The following FBXL7 variants were observed in gnomAD, a reference collection of about 807,000 sequenced individuals.
FBXL7 encodes F-box/LRR-repeat protein 7.
FBXL7 carries 12 observed loss-of-function variants against 38.3 expected under a neutral mutation model. That is an observed-to-expected ratio of 0.31 (90% confidence interval 0.20 to 0.51). The LOEUF (loss-of-function observed/expected upper bound fraction) is 0.51, where lower values mean the gene tolerates loss of function less well. Ranked by LOEUF, FBXL7 falls within the 20% of genes least tolerant of loss-of-function variation. The probability of loss-of-function intolerance (pLI) is 0.98; values close to 1 mark genes in which losing one functional copy is unlikely to be tolerated. For missense variants in FBXL7, 567 were observed against 676.4 expected (o/e 0.84, Z 1.79); for synonymous variants, 297 against 300.9 (o/e 0.99, Z 0.13).
At chr5:15,890,660 T>C (rs1167640365) in intron 2 of FBXL7, among the ~76,000 whole-genome samples, 1 of 152,170 alleles carries the variant, frequency 6.6e-6, no homozygotes, top group Non-Finnish European at 1.5e-5. Flanking sequence ...AGTTTCATCC[T>C]GAAACCATCC....
intron 2 of FBXL7, among the ~76,000 whole-genome samples, chr5:15,833,051 A>G (rs1579503347): frequency 6.6e-6 from 1 of 151,972 alleles, no homozygotes; most frequent in Non-Finnish European, 1.5e-5. Flanking sequence ...CATGGCTTTC[A>G]CCTTCCACCA....
intron 2 of FBXL7, among the ~76,000 whole-genome samples, chr5:15,617,144 T>G (rs1401607478): frequency 1.3e-5 from 2 of 152,200 alleles, no homozygotes; most frequent in Non-Finnish European, 2.9e-5. Flanking sequence ...CTTTGATATG[T>G]TTTGTCTTAG....
intron 2 of FBXL7, among the ~76,000 whole-genome samples, chr5:15,912,960 G>C (rs1741478179): frequency 6.6e-6 from 1 of 152,192 alleles, no homozygotes. Context: ...GCGTGCTGCA[G>C]AGAGACCCTT....
intron 2 of FBXL7, among the ~76,000 whole-genome samples, chr5:15,678,104 T>A (rs1057274341): frequency 1.3e-5 from 2 of 152,082 alleles, no homozygotes; most frequent in Non-Finnish European, 2.9e-5. Flanking sequence ...CCCCTCTGAG[T>A]TGGCCAAGGG....
At chr5:15,681,435 A>G (rs1742842063) in intron 2 of FBXL7, among the ~76,000 whole-genome samples, 3 of 152,230 alleles carry the variant, frequency 2.0e-5, no homozygotes. Context: ...AACATATTGA[A>G]AAGTGTATAA....
chr5:15,887,524 G>T (rs1740726376), intron 2 of FBXL7, among the ~76,000 whole-genome samples: 2 of 152,312 alleles, frequency 1.3e-5, no homozygotes, highest in South Asian at 4.1e-4. Flanking sequence ...TCAACCATTT[G>T]TACAGCTGTT....
At chr5:15,703,046 C>A (rs1173444750) in intron 2 of FBXL7, among the ~76,000 whole-genome samples, 2 of 152,088 alleles carry the variant, frequency 1.3e-5, no homozygotes, top group Non-Finnish European at 2.9e-5. Context: ...ATTTTCGTTT[C>A]TTTTGTGGTG....
rs140138812 is a variant in FBXL7 at position 15,669,729 on chromosome 5, AG to A, written c.127+53659del. Among the ~76,000 whole-genome samples, 11 of 152,308 alleles carry A rather than the reference AG, an allele frequency of 7.2e-5. No homozygotes were observed. In the East Asian group the frequency reaches 1.9e-3, roughly 27 times the overall value. ...AATCCTGTCACGGTAAGTTTCTCAG[AG>A]GACACAAACTAACACATACAATGAT... On this transcript the variant is annotated intron_variant, in intron 2 of 3. Transcript: ENST00000504595.
At chr5:15,730,418 C>T (rs992411025) in intron 2 of FBXL7, among the ~76,000 whole-genome samples, 4 of 152,046 alleles carry the variant, frequency 2.6e-5, no homozygotes, top group African/African-American at 9.7e-5. Context: ...GCTCTGGTTT[C>T]TTGAGTGATT....
chr5:15,655,088 A>G (rs1327720561), intron 2 of FBXL7, among the ~76,000 whole-genome samples: 5 of 152,234 alleles, frequency 3.3e-5, no homozygotes, highest in African/African-American at 4.8e-5. Flanking sequence ...GATAGCTACC[A>G]ATCTCTGCAC....
intron 1 of FBXL7, among the ~76,000 whole-genome samples, chr5:15,564,902 T>C (rs1738522224): frequency 6.6e-6 from 1 of 152,144 alleles, no homozygotes; most frequent in East Asian, 1.9e-4. Flanking sequence ...AGTTATGTGG[T>C]TTTTATTTTA....
At chr5:15,658,413 A>G (rs1264751051) in intron 2 of FBXL7, among the ~76,000 whole-genome samples, 1 of 152,110 alleles carries the variant, frequency 6.6e-6, no homozygotes, top group Non-Finnish European at 1.5e-5. Context: ...AGGTGGACAT[A>G]ATTGAATCGT....
intron 2 of FBXL7, among the ~76,000 whole-genome samples, chr5:15,773,355 T>C (rs1414732103): frequency 6.6e-6 from 1 of 152,092 alleles, no homozygotes; most frequent in Non-Finnish European, 1.5e-5. Context: ...TTTAAAAACA[T>C]TTTCCTGGCC....
chr5:15,869,046 G>A (rs1739840282), intron 2 of FBXL7, among the ~76,000 whole-genome samples: 1 of 152,132 alleles, frequency 6.6e-6, no homozygotes, highest in African/African-American at 2.4e-5. Flanking sequence ...CTCATTATGA[G>A]TCATTGAACG....
At chr5:15,863,817 G>C (rs975040757) in intron 2 of FBXL7, among the ~76,000 whole-genome samples, 3 of 152,136 alleles carry the variant, frequency 2.0e-5, no homozygotes, top group Admixed American at 6.5e-5. Flanking sequence ...TCCTCTCTTT[G>C]TATGCTCTCT....
At chr5:15,914,718 A>G (rs143532096) in intron 2 of FBXL7, among the ~76,000 whole-genome samples, 78 of 152,348 alleles carry the variant, frequency 5.1e-4, no homozygotes, top group African/African-American at 1.8e-3. Flanking sequence ...AATATTTCCA[A>G]CTGCAACCAA....
At chr5:15,796,351 C>T (rs941612741) in intron 2 of FBXL7, among the ~76,000 whole-genome samples, 1 of 152,142 alleles carries the variant, frequency 6.6e-6, no homozygotes, top group Non-Finnish European at 1.5e-5. Context: ...GTTATTGGAA[C>T]ATAGCCATGC....
At chr5:15,817,169 A>G (rs1285671467) in intron 2 of FBXL7, among the ~76,000 whole-genome samples, 1 of 152,168 alleles carries the variant, frequency 6.6e-6, no homozygotes, top group Non-Finnish European at 1.5e-5. Flanking sequence ...AACTTTGAAA[A>G]CATAGTGAGA....
rs1463639710 is a variant in FBXL7 at position 15,938,534 on chromosome 5, A to C, written c.*1348A>C. On this transcript the variant is annotated 3_prime_UTR_variant, in exon 4 of 4. Coordinates refer to ENST00000504595, the MANE Select transcript of FBXL7 (RefSeq NM_012304.5). Reference sequence around the variant, plus strand: ...AGTTTGTAAGTGTTTAATTGTGCAAATTGCCACCCTGTGTACCTCCTCCAT... The same window carrying C: ...AGTTTGTAAGTGTTTAATTGTGCAACTTGCCACCCTGTGTACCTCCTCCAT... 1 of 153,144 alleles carries C rather than the reference A, an allele frequency of 6.5e-6. No homozygotes were observed. Among genetic ancestry groups the C allele is most frequent in the Non-Finnish European group, 1.5e-5 (1 of 68,748 alleles). 9.5% of individuals were successfully genotyped at this position (153,144 alleles called of 1,614,324 possible). A position where few individuals can be genotyped will look rare whatever the true frequency, so the allele number is the denominator to read the frequency against.
Sources: gnomAD v4.1 joint callset for allele counts (sites outside exome capture counted in the v4.1 genomes callset) on GRCh38, gnomAD v4.1.1 for gene constraint, MANE v1.5 for transcripts, NCBI Gene and HGNC (gene_info 2026-07-23, HGNC 2026-07-21) for gene names.